TOX3: variants seen among roughly 807,000 people sequenced by gnomAD.
TOX3 encodes the protein TOX high mobility group box family member 3, also known as CAG trinucleotide repeat-containing gene F9 protein.
Under a neutral mutation model 64.3 loss-of-function variants are expected in TOX3, and 22 were observed. The ratio of observed to expected loss-of-function variants is 0.34; its 90% CI spans 0.24 to 0.49. TOX3 has a LOEUF of 0.49. TOX3 is among the 20% of genes least tolerant of loss of function. TOX3 has a pLI of 0.99. For synonymous variants in TOX3, 291 were observed against 273.6 expected (o/e 1.06, Z -0.63); for missense variants, 661 against 714.4 (o/e 0.93, Z 0.85).
chr16:52,440,748 C>CTTTTTTT (rs1425662404), intron 6 of TOX3, among the ~76,000 whole-genome samples: 1 of 89,456 alleles, frequency 1.1e-5, no homozygotes, highest in Non-Finnish European at 2.3e-5. Flanking sequence ...ATTTTTCTTT[C>CTTTTTTT]TTTCTTTTTT....
At position 52,536,627 on chromosome 16, in the gene TOX3, CTATATATATATATATATA is replaced by C. The variant is rs57164139; in HGVS notation, c.87+9992_87+10009del. 5.6e-3 allele frequency among the ~76,000 whole-genome samples: 192 copies of C among 34,260 alleles called. 2 individuals carry two copies. Among genetic ancestry groups the C allele is most frequent in the African/African-American group, 0.013 (133 of 9,880 alleles). The allele number at this position is 34,260 out of a possible 152,430, so 22.5% of individuals were successfully genotyped here. On this transcript the variant is annotated intron_variant, in intron 1 of 6. Transcript: ENST00000219746. Reference sequence around the variant, plus strand: ...TCTTTTCTACTGAAATAGATATACACTATATATATATATATATATATATATATATATATATATATATAT... The same window carrying C: ...TCTTTTCTACTGAAATAGATATACACTATATATATATATATATATATATAT...
At chr16:52,497,207 C>T (rs1175798724) in intron 1 of TOX3, among the ~76,000 whole-genome samples, 1 of 152,196 alleles carries the variant, frequency 6.6e-6, no homozygotes, top group Non-Finnish European at 1.5e-5. Context: ...CCAGTGCAGC[C>T]TTTCTAGGCC....
At chr16:52,539,600 C>T (rs1024157782) in intron 1 of TOX3, among the ~76,000 whole-genome samples, 1 of 152,212 alleles carries the variant, frequency 6.6e-6, no homozygotes, top group Non-Finnish European at 1.5e-5. Flanking sequence ...TTCCTGTCTC[C>T]TTCCTCTTGA....
intron 1 of TOX3, among the ~76,000 whole-genome samples, chr16:52,523,090 C>A (rs1456996874): frequency 6.6e-6 from 1 of 152,138 alleles, no homozygotes; most frequent in African/African-American, 2.4e-5. Flanking sequence ...GGAAGCAAGG[C>A]AGGAGGACGG....
intron 1 of TOX3, among the ~76,000 whole-genome samples, chr16:52,498,789 C>T (rs112624868): frequency 6.7e-4 from 102 of 152,344 alleles, no homozygotes; most frequent in African/African-American, 2.3e-3. Flanking sequence ...CCCCGTGCAT[C>T]GCCACGGTGG....
chr16:52,513,524 T>A (rs1303136661), intron 1 of TOX3, among the ~76,000 whole-genome samples: 1 of 152,200 alleles, frequency 6.6e-6, no homozygotes, highest in Non-Finnish European at 1.5e-5. Context: ...ATAGTTAACA[T>A]GGGATAATAT....
intron 1 of TOX3, among the ~76,000 whole-genome samples, chr16:52,480,394 A>C (rs1316912388): frequency 2.0e-5 from 3 of 152,170 alleles, no homozygotes; most frequent in African/African-American, 7.2e-5. Context: ...TCTTGCTGCA[A>C]TCCAATGAAG....
chr16:52,491,790 T>G (rs1244227311), intron 1 of TOX3, among the ~76,000 whole-genome samples: 1 of 152,186 alleles, frequency 6.6e-6, no homozygotes, highest in Non-Finnish European at 1.5e-5. Flanking sequence ...GTTATCTCCA[T>G]CCTTAGAGAG....
In TOX3 at chr16:52,519,807, A is replaced by T. The variant is rs189597198; in HGVS notation, c.87+26830T>A. 4.2e-3 allele frequency among the ~76,000 whole-genome samples: 632 copies of T among 152,032 alleles called. 6 individuals carry two copies. The highest frequency in any genetic ancestry group is 6.9e-3 in the Non-Finnish European group (472 of 67,962). ...AGCTTATCTCTACAAAAAAAAAATT[A>T]AAAAATTAGATGAGCAGGGTGGCAC... On this transcript the variant is annotated intron_variant, in intron 1 of 6. Transcript: ENST00000219746.
At chr16:52,506,756 C>T (rs1412091307) in intron 1 of TOX3, among the ~76,000 whole-genome samples, 6 of 152,122 alleles carry the variant, frequency 3.9e-5, no homozygotes, top group East Asian at 1.9e-4. Context: ...CCTATAATTA[C>T]ATTAAAGATT....
At chr16:52,491,452 G>A (rs1961684580) in intron 1 of TOX3, among the ~76,000 whole-genome samples, 1 of 152,142 alleles carries the variant, frequency 6.6e-6, no homozygotes, top group South Asian at 2.1e-4. Flanking sequence ...ATAAATGGGA[G>A]TAATGTTTTA....
chr16:52,510,004 T>C (rs1962259790), intron 1 of TOX3, among the ~76,000 whole-genome samples: 1 of 152,128 alleles, frequency 6.6e-6, no homozygotes, highest in Non-Finnish European at 1.5e-5. Flanking sequence ...TATTTGCTGC[T>C]GGTAATAATG....
chr16:52,528,555 G>T (rs145232238), intron 1 of TOX3, among the ~76,000 whole-genome samples: 2,158 of 152,108 alleles, frequency 0.014, 17 homozygotes, highest in Non-Finnish European at 0.019. Context: ...AGACTGCCTG[G>T]TTCCCTAGCC....
intron 6 of TOX3, among the ~76,000 whole-genome samples, chr16:52,441,014 G>A (rs112342479): frequency 0.015 from 2,260 of 151,860 alleles, 47 homozygotes; most frequent in African/African-American, 0.052. Flanking sequence ...TGCCCACCTC[G>A]GCCTCCCAAA....
chr16:52,443,571 G>T (rs572078460), intron 6 of TOX3, among the ~76,000 whole-genome samples: 5 of 152,104 alleles, frequency 3.3e-5, no homozygotes, highest in African/African-American at 4.8e-5. Flanking sequence ...GAAAAAATTT[G>T]TCTAGAGCAA....
intron 1 of TOX3, among the ~76,000 whole-genome samples, chr16:52,487,305 GA>G (rs10641032): frequency 2.9e-4 from 41 of 141,640 alleles, no homozygotes; most frequent in Middle Eastern, 3.8e-3. Context: ...GAGTCAGATG[GA>G]AAAAAAAAAA....
intron 1 of TOX3, among the ~76,000 whole-genome samples, chr16:52,507,294 C>T (rs1962184410): frequency 6.6e-6 from 1 of 152,154 alleles, no homozygotes; most frequent in East Asian, 1.9e-4. Flanking sequence ...AGGGTAGTGG[C>T]TCATGCCTGT....
At chr16:52,441,452 C>G (rs986220292) in intron 6 of TOX3, among the ~76,000 whole-genome samples, 8 of 152,144 alleles carry the variant, frequency 5.3e-5, no homozygotes, top group Non-Finnish European at 1.2e-4. Flanking sequence ...AGATCTAGGG[C>G]TGAACATAGA....
At chr16:52,458,533 T>G (rs1180996325) in intron 3 of TOX3, among the ~76,000 whole-genome samples, 2 of 152,234 alleles carry the variant, frequency 1.3e-5, no homozygotes, top group African/African-American at 4.8e-5. Flanking sequence ...GTAGATGATC[T>G]ATGTTAAAAA....
Sources: allele counts gnomAD v4.1 joint callset (sites outside exome capture counted in the v4.1 genomes callset), GRCh38; gene constraint gnomAD v4.1.1; transcripts MANE v1.5; gene names NCBI Gene and HGNC (gene_info 2026-07-23, HGNC 2026-07-21).